Variants in FBXO15 observed in about 807,000 individuals in gnomAD.
The protein encoded by FBXO15 is F-box protein 15.
FBXO15 carries 30 observed loss-of-function variants against 49.5 expected under a neutral mutation model. The ratio of observed to expected loss-of-function variants is 0.61; its 90% CI spans 0.45 to 0.82. The LOEUF (loss-of-function observed/expected upper bound fraction) is 0.82, where lower values mean the gene tolerates loss of function less well. Ranked by LOEUF, FBXO15 falls within the 40% of genes least tolerant of loss-of-function variation. FBXO15 has a pLI of 0.00. For synonymous variants in FBXO15, 250 were observed against 232.7 expected (o/e 1.07, Z -0.68); for missense variants, 591 against 631.5 (o/e 0.94, Z 0.69).
In FBXO15 at chr18:74,135,877, A is replaced by G; in HGVS notation, c.228-11T>C. ...ATTTCTGAAGGCATTCTGCAAAAAC[A>G]GAAAAAGAAAAAAAAAATCACCAGA... is the stretch of plus-strand genomic sequence containing the variant. On this transcript the variant is annotated splice_polypyrimidine_tract_variant and intron_variant, in intron 2 of 9. Transcript: ENST00000419743. The G allele has an allele frequency of 8.2e-6, 13 of 1,590,822 alleles. No homozygotes were observed. The highest frequency in any genetic ancestry group is 1.1e-5 in the Non-Finnish European group (13 of 1,171,962).
intron 2 of FBXO15, among the ~76,000 whole-genome samples, chr18:74,138,348 T>C (rs1302517094): frequency 6.6e-6 from 1 of 152,140 alleles, no homozygotes; most frequent in East Asian, 1.9e-4. Flanking sequence ...GCAACAGCTG[T>C]GAGGGGCCAC....
Position 74,073,505 on chromosome 18 carries a change from G to A in FBXO15, c.1489C>T (p.Leu497Phe). Residue 497 changes from leucine to phenylalanine, a missense_variant, in exon 10 of 10, where the codon CTT (leucine) becomes TTT (phenylalanine). Physicochemically the swap from Leu to Phe is conservative, Grantham distance 22 (BLOSUM62 0). Transcript: ENST00000419743. ...CAATGGTTGATTTTTGCGATACTAA[G>A]ATAAAGGACCAGGTTGACAATAAGG... ...EYLIVNLVLY[L>F]SIAKINHWFG... 2 of 1,614,102 alleles carry A rather than the reference G, an allele frequency of 1.2e-6. No homozygotes were observed. The highest frequency in any genetic ancestry group is 2.2e-5 in the East Asian group (1 of 44,888).
intron 5 of FBXO15, 28 bp downstream of exon 5, chr18:74,129,377 C>G: frequency 1.3e-6 from 2 of 1,587,496 alleles, no homozygotes; most frequent in East Asian, 2.2e-5. Flanking sequence ...GATGCTCTCA[C>G]TCAACAGTTC....
Position 74,100,614 on chromosome 18 carries a change from G to T in FBXO15, c.1139-18563C>A, listed in dbSNP as rs192903690. The stretch of plus-strand genomic sequence containing the variant: ...AACAAAAAAAATACAAAAGATAAAT[G>T]AAACAAAATGGTGGTTCTTTGAAAA... On this transcript the variant is annotated intron_variant, in intron 8 of 9. Coordinates refer to ENST00000419743, the MANE Select transcript of FBXO15 (RefSeq NM_001142958.2). 1.6e-3 allele frequency among the ~76,000 whole-genome samples: 243 copies of T among 151,998 alleles called. 1 individual carries two copies. The highest frequency in any genetic ancestry group is 6.5e-3 in the South Asian group (31 of 4,802).
Position 74,130,501 on chromosome 18 carries a change from C to T in FBXO15, c.490G>A (p.Ala164Thr), listed in dbSNP as rs775156329. Residue 164 changes from alanine (A) to threonine (T), a missense_variant, in exon 4 of 10, where the codon GCA becomes ACA. By Grantham distance (58) the Ala-to-Thr change is moderately conservative (BLOSUM62 0). Transcript: ENST00000419743. ...WKKEYITKQI[A>T]SVKAALADIL... ...TCAGCTAGTGCGGCTTTTACAGATG[C>T]TATTTGTTTTGTGATATATTCTTTC... is the stretch of plus-strand genomic sequence containing the variant. 8 of 1,614,152 alleles carry T rather than the reference C, an allele frequency of 5.0e-6. No homozygotes were observed. Among genetic ancestry groups the T allele is most frequent in the Non-Finnish European group, 6.8e-6 (8 of 1,180,010 alleles).
chr18:74,096,675 C>T (rs1012398772), intron 8 of FBXO15, among the ~76,000 whole-genome samples: 1 of 149,806 alleles, frequency 6.7e-6, no homozygotes, highest in Non-Finnish European at 1.5e-5. Flanking sequence ...AAACAAACAA[C>T]AACAAAAAAC....
chr18:74,146,176 C>A (rs1422803846), intron 1 of FBXO15, among the ~76,000 whole-genome samples: 1 of 152,204 alleles, frequency 6.6e-6, no homozygotes, highest in Non-Finnish European at 1.5e-5. Context: ...ACTTAATACG[C>A]TTTCTGCTAC....
At chr18:74,100,861 G>C (rs1002859607) in intron 8 of FBXO15, among the ~76,000 whole-genome samples, 2 of 152,056 alleles carry the variant, frequency 1.3e-5, no homozygotes, top group African/African-American at 4.8e-5. Context: ...AAATCAGAAA[G>C]AATTAGATAC....
chr18:74,093,645 C>T (rs1913153682), intron 8 of FBXO15, among the ~76,000 whole-genome samples: 1 of 152,228 alleles, frequency 6.6e-6, no homozygotes, highest in African/African-American at 2.4e-5. Flanking sequence ...GCAATTTAGT[C>T]ACAGCAGGCC....
intron 1 of FBXO15, among the ~76,000 whole-genome samples, chr18:74,143,891 C>T (rs972443121): frequency 6.6e-6 from 1 of 152,194 alleles, no homozygotes; most frequent in Non-Finnish European, 1.5e-5. Flanking sequence ...CTGTTTCTCT[C>T]CTTAGCACAC....
chr18:74,098,578 A>G (rs1913382958), intron 8 of FBXO15: 1 of 152,206 alleles, frequency 6.6e-6, no homozygotes, highest in African/African-American at 2.4e-5. Context: ...AGAAAAAAGA[A>G]TAAGAAAAAA....
Position 74,080,624 on chromosome 18 carries a change from G to C in FBXO15, c.1263+1303C>G, listed in dbSNP as rs531155925. ...GAAGCCGTATCTTCAGCTTCTCTGA[G>C]AACTTCTATGAGAAATCTGTGAGTG... On this transcript the variant is annotated intron_variant, in intron 9 of 9. Coordinates refer to ENST00000419743, the MANE Select transcript of FBXO15 (RefSeq NM_001142958.2). 1.2e-4 allele frequency among the ~76,000 whole-genome samples: 19 copies of C among 152,346 alleles called. No individual in the cohort carries two copies. In the South Asian group the frequency reaches 3.7e-3, roughly 30 times the overall value.
chr18:74,124,418 A>C (rs1181289136), intron 7 of FBXO15, 71 bp downstream of exon 7: 1 of 1,245,936 alleles, frequency 8.0e-7, no homozygotes, highest in East Asian at 2.3e-5. Flanking sequence ...CAGGATATTA[A>C]GATGGCATCA....
chr18:74,106,093 C>T (rs1014198551), intron 8 of FBXO15, among the ~76,000 whole-genome samples: 2 of 152,018 alleles, frequency 1.3e-5, no homozygotes, highest in African/African-American at 2.4e-5. Context: ...AAAGAAGGTG[C>T]ACTTATTCTT....
At chr18:74,110,840 T>A (rs908644753) in intron 8 of FBXO15, among the ~76,000 whole-genome samples, 3 of 152,122 alleles carry the variant, frequency 2.0e-5, no homozygotes, top group East Asian at 3.9e-4. Context: ...GATAAAGAGA[T>A]CAACTTTCCA....
chr18:74,104,907 T>G (rs1196681755), intron 8 of FBXO15, among the ~76,000 whole-genome samples: 1 of 152,166 alleles, frequency 6.6e-6, no homozygotes, highest in Non-Finnish European at 1.5e-5. Context: ...AATATGGAAT[T>G]AATCTAAGTG....
intron 1 of FBXO15, among the ~76,000 whole-genome samples, chr18:74,146,336 C>G (rs530853326): frequency 1.1e-4 from 17 of 152,326 alleles, no homozygotes; most frequent in Non-Finnish European, 2.1e-4. Flanking sequence ...TAGCAGCGGA[C>G]TTTTCTTTAC....
chr18:74,079,469 CAAT>C (rs201174090), intron 9 of FBXO15, among the ~76,000 whole-genome samples: 1,565 of 152,168 alleles, frequency 0.01, 12 homozygotes, highest in Non-Finnish European at 0.015. Flanking sequence ...GGTTATACAA[CAAT>C]GAGAAGGTAT....
intron 8 of FBXO15, among the ~76,000 whole-genome samples, chr18:74,092,807 C>A (rs1232103238): frequency 6.6e-6 from 1 of 152,100 alleles, no homozygotes; most frequent in Admixed American, 6.6e-5. Context: ...ATGGGTGGTG[C>A]CAGATAAAGC....
Sources: allele counts gnomAD v4.1 joint callset (sites outside exome capture counted in the v4.1 genomes callset), GRCh38; gene constraint gnomAD v4.1.1; transcripts MANE v1.5; gene names NCBI Gene and HGNC (gene_info 2026-07-23, HGNC 2026-07-21).